The following SOCS5 variants were observed in gnomAD, a reference collection of about 807,000 sequenced individuals.
The protein encoded by SOCS5 is CIS-6.
In SOCS5, 32 loss-of-function variants were observed where a neutral mutation model predicts 42.8. That is an observed-to-expected ratio of 0.75 (90% CI 0.56 to 1.01). The LOEUF (loss-of-function observed/expected upper bound fraction) is 1.01. Ranked by LOEUF, SOCS5 falls within the 50% of genes least tolerant of loss-of-function variation. SOCS5 has a pLI of 0.00. For synonymous variants in SOCS5, 283 were observed against 229.6 expected (o/e 1.23, Z -2.10); for missense variants, 627 against 653.0 (o/e 0.96, Z 0.43).
At chr2:46,712,923 T>C (rs937253174) in intron 1 of SOCS5, among the ~76,000 whole-genome samples, 1 of 152,158 alleles carries the variant, frequency 6.6e-6, no homozygotes. Flanking sequence ...AATTAGGAGG[T>C]GTTTCCTCTT....
intron 1 of SOCS5, among the ~76,000 whole-genome samples, chr2:46,717,544 A>T (rs960962124): frequency 3.3e-5 from 5 of 151,710 alleles, no homozygotes; most frequent in Admixed American, 1.3e-4. Context: ...TTCTTTCAAC[A>T]TTTTAAGGTC....
intron 1 of SOCS5, among the ~76,000 whole-genome samples, chr2:46,746,629 C>T (rs372278979): frequency 1.0e-4 from 15 of 149,828 alleles, no homozygotes; most frequent in East Asian, 5.9e-4. Context: ...CCAGCCTGGG[C>T]GACAGAGACT....
chr2:46,715,487 C>T (rs1672718516), intron 1 of SOCS5, among the ~76,000 whole-genome samples: 1 of 151,898 alleles, frequency 6.6e-6, no homozygotes, highest in Non-Finnish European at 1.5e-5. Flanking sequence ...AGTATATTCC[C>T]TTTGCTTAAA....
chr2:46,725,375 G>A (rs564649043), intron 1 of SOCS5, among the ~76,000 whole-genome samples: 15 of 151,998 alleles, frequency 9.9e-5, no homozygotes, highest in African/African-American at 2.4e-4. Flanking sequence ...TTACTGATAC[G>A]TTTAGATTTG....
In SOCS5 at chr2:46,762,862, C is replaced by G. The variant is rs1229414428; in HGVS notation, c.*2721C>G. 6.0e-6 allele frequency: 1 copy of G among 166,042 alleles called. No individual in the cohort carries two copies. Among genetic ancestry groups the G allele is most frequent in the Non-Finnish European group, 1.5e-5 (1 of 67,982 alleles). 10.3% of individuals were successfully genotyped at this position (166,042 alleles called of 1,614,324 possible). A position where few individuals can be genotyped will look rare whatever the true frequency, so the allele number is the denominator to read the frequency against. ...ATTTGTACCCATTCTCATTCATTTT[C>G]TTCATTCCCTTACACACACACACAC... On this transcript the variant is annotated 3_prime_UTR_variant, in exon 2 of 2. Coordinates refer to ENST00000394861, the MANE Select transcript of SOCS5 (RefSeq NM_144949.3).
intron 1 of SOCS5, among the ~76,000 whole-genome samples, chr2:46,743,001 C>T (rs779793466): frequency 5.3e-5 from 8 of 152,050 alleles, no homozygotes; most frequent in Non-Finnish European, 8.8e-5. Context: ...TATGTTTTTA[C>T]AATCCGATGA....
At chr2:46,743,101 G>C (rs1238485734) in intron 1 of SOCS5, among the ~76,000 whole-genome samples, 4 of 152,112 alleles carry the variant, frequency 2.6e-5, no homozygotes, top group Non-Finnish European at 1.5e-5. Context: ...AAACTTGACT[G>C]TTAACTTTTT....
In SOCS5 at chr2:46,760,205, T is replaced by C. The variant is rs1320121637; in HGVS notation, c.*64T>C. On this transcript the variant is annotated 3_prime_UTR_variant, in exon 2 of 2. Coordinates refer to ENST00000394861, the MANE Select transcript of SOCS5 (RefSeq NM_144949.3). Reference sequence around the variant, plus strand: ...TCATGTGCATCAGACAGTACACCTATAGCAAGCACACGTAGCAGTGTTAGG... The same window carrying C: ...TCATGTGCATCAGACAGTACACCTACAGCAAGCACACGTAGCAGTGTTAGG... 3 of 1,205,002 alleles carry C rather than the reference T, an allele frequency of 2.5e-6. No individual in the cohort carries two copies. The highest frequency in any genetic ancestry group is 2.3e-5 in the East Asian group (1 of 42,630). The allele number at this position is 1,205,002 out of a possible 1,614,324, so 74.6% of individuals were successfully genotyped here. A position where few individuals can be genotyped will look rare whatever the true frequency, so the allele number is the denominator to read the frequency against.
intron 1 of SOCS5, among the ~76,000 whole-genome samples, chr2:46,706,850 G>A (rs1390840499): frequency 6.6e-6 from 1 of 152,160 alleles, no homozygotes; most frequent in Non-Finnish European, 1.5e-5. Context: ...TAGTATATTA[G>A]ATGAGTCACT....
chr2:46,745,697 G>C (rs1339199392), intron 1 of SOCS5, among the ~76,000 whole-genome samples: 1 of 152,098 alleles, frequency 6.6e-6, no homozygotes, highest in Non-Finnish European at 1.5e-5. Context: ...GCTGGCTAGA[G>C]ACAGAGGGTT....
intron 1 of SOCS5, among the ~76,000 whole-genome samples, chr2:46,728,898 C>G (rs1169260295): frequency 6.6e-6 from 1 of 152,170 alleles, no homozygotes; most frequent in Non-Finnish European, 1.5e-5. Flanking sequence ...CCATTTGCCT[C>G]TAAGCCAGTG....
At chr2:46,739,613 G>C (rs1558408594) in intron 1 of SOCS5, among the ~76,000 whole-genome samples, 1 of 152,128 alleles carries the variant, frequency 6.6e-6, no homozygotes, top group Non-Finnish European at 1.5e-5. Flanking sequence ...CCTGCTGTGT[G>C]CCCTTTCCCA....
intron 1 of SOCS5, among the ~76,000 whole-genome samples, chr2:46,754,350 A>G (rs1256363757): frequency 1.3e-5 from 2 of 151,980 alleles, no homozygotes; most frequent in Non-Finnish European, 2.9e-5. Flanking sequence ...TCTTTGAACT[A>G]TTTTCTTGGC....
chr2:46,717,252 A>C lies in SOCS5; in HGVS notation c.-13+17803A>C, dbSNP rs118150842. 1.1e-4 allele frequency among the ~76,000 whole-genome samples: 17 copies of C among 152,194 alleles called. 1 individual carries two copies. In the East Asian group the frequency reaches 3.3e-3, roughly 29 times the overall value. ...TCAGCTTAGTGAGACTACTGACTCT[A>C]TTTGGCTTCCTCTCCCTGTGTTTTG... On this transcript the variant is annotated intron_variant, in intron 1 of 1. Transcript: ENST00000394861.
chr2:46,740,567 T>C (rs765338159), intron 1 of SOCS5, among the ~76,000 whole-genome samples: 10 of 152,054 alleles, frequency 6.6e-5, no homozygotes, highest in Admixed American at 2.0e-4. Context: ...AGATCAAGAA[T>C]TAGCAAAAGG....
intron 1 of SOCS5, among the ~76,000 whole-genome samples, chr2:46,719,698 T>C (rs140944471): frequency 6.6e-6 from 1 of 152,324 alleles, no homozygotes; most frequent in East Asian, 1.9e-4. Context: ...TATTTTGCTA[T>C]ATATAGAACA....
chr2:46,759,156 A>T lies in SOCS5; in HGVS notation c.626A>T (p.His209Leu), dbSNP rs548754649. ...KPLFSNKRKIHLSELMLEKCP... is the reference protein window; with the variant it reads ...KPLFSNKRKILLSELMLEKCP... ...CTCTTTTCCAATAAAAGAAAAATCCATCTCTCTGAATTAATGCTTGAGAAA... is the reference window on the plus strand; with the variant it reads ...CTCTTTTCCAATAAAAGAAAAATCCTTCTCTCTGAATTAATGCTTGAGAAA... The change falls in exon 2 of 2, where the codon CAT (histidine) becomes CTT (leucine). Residue 209 changes from histidine to leucine, a missense_variant. This residue lies in a region of SOCS5 where 9 missense variants were observed against 39.1 expected (regional missense o/e 0.23). Transcript: ENST00000394861. 1 of 1,613,990 alleles carries T rather than the reference A, an allele frequency of 6.2e-7. No homozygotes were observed. Among genetic ancestry groups the T allele is most frequent in the East Asian group, 2.2e-5 (1 of 44,872 alleles).
At chr2:46,746,495 C>G (rs1017230183) in intron 1 of SOCS5, among the ~76,000 whole-genome samples, 4 of 151,886 alleles carry the variant, frequency 2.6e-5, no homozygotes, top group Non-Finnish European at 4.4e-5. Flanking sequence ...AGTAAAAATA[C>G]AAAAAATTAG....
Position 46,759,080 on chromosome 2 carries a change from A to C in SOCS5, c.550A>C (p.Thr184Pro), listed in dbSNP as rs1403895768. The C allele has an allele frequency of 6.2e-7, 1 of 1,613,878 alleles. No homozygotes were observed. Among genetic ancestry groups the C allele is most frequent in the Non-Finnish European group, 8.5e-7 (1 of 1,179,860 alleles). Residue 184 changes from threonine (T) to proline (P), a missense_variant, in exon 2 of 2, where the codon ACT (threonine) becomes CCT (proline). This residue lies in a region of SOCS5 where 278 missense variants were observed against 246.3 expected (regional missense o/e 1.13). Coordinates refer to ENST00000394861, the MANE Select transcript of SOCS5 (RefSeq NM_144949.3). Reference protein sequence around the residue: ...SRSLRQRLQDTVGLCFPMRTY... With the variant: ...SRSLRQRLQDPVGLCFPMRTY... ...CTCTCTAAGACAGAGGTTGCAGGAT[A>C]CTGTGGGCTTGTGTTTTCCCATGAG... is the stretch of plus-strand genomic sequence containing the variant.
Sources: gnomAD v4.1 joint callset for allele counts (sites outside exome capture counted in the v4.1 genomes callset) on GRCh38, gnomAD v4.1.1 for gene constraint, gnomAD v4.1.1 regional missense constraint, MANE v1.5 for transcripts, NCBI Gene and HGNC (gene_info 2026-07-23, HGNC 2026-07-21) for gene names.